The following UNC5D variants were observed in gnomAD, a reference collection of about 807,000 sequenced individuals.
UNC5D encodes netrin receptor UNC5D.
In UNC5D, 39 loss-of-function variants were observed where a neutral mutation model predicts 105.4. That is an observed-to-expected ratio of 0.37 (90% CI 0.29 to 0.48). The LOEUF (loss-of-function observed/expected upper bound fraction) is 0.48. Ranked by LOEUF, UNC5D falls within the 20% of genes least tolerant of loss-of-function variation. The probability of loss-of-function intolerance (pLI) is 0.98; values close to 1 mark genes in which losing one functional copy is unlikely to be tolerated. For missense variants in UNC5D, 991 were observed against 1,202.4 expected (o/e 0.82, Z 2.60); for synonymous variants, 452 against 450.4 (o/e 1.00, Z -0.04).
At chr8:35,239,254 G>C (rs1802658015) in intron 1 of UNC5D, among the ~76,000 whole-genome samples, 1 of 152,160 alleles carries the variant, frequency 6.6e-6, no homozygotes, top group Non-Finnish European at 1.5e-5. Flanking sequence ...GGAAACATTT[G>C]GAGCTGTGGA....
chr8:35,540,251 T>G (rs565842264), intron 1 of UNC5D, among the ~76,000 whole-genome samples: 6 of 152,330 alleles, frequency 3.9e-5, no homozygotes, highest in African/African-American at 1.4e-4. Context: ...CAAGATATTC[T>G]TTTTTACATC....
At position 35,260,318 on chromosome 8, in the gene UNC5D, G is replaced by A. The variant is rs571847102; in HGVS notation, c.103+24431G>A. Among the ~76,000 whole-genome samples, 6 of 152,216 alleles carry A rather than the reference G, an allele frequency of 3.9e-5. No homozygotes were observed. The South Asian group carries it at 1.2e-3, about 32-fold the overall frequency. On this transcript the variant is annotated intron_variant, in intron 1 of 16. Coordinates refer to ENST00000404895, the MANE Select transcript of UNC5D (RefSeq NM_080872.4). ...TCCAAAGCACCATATTTTACCTAGTGAGGTGCTTACTACAAGCAGCTATAG... is the reference window on the plus strand; with the variant it reads ...TCCAAAGCACCATATTTTACCTAGTAAGGTGCTTACTACAAGCAGCTATAG...
intron 1 of UNC5D, among the ~76,000 whole-genome samples, chr8:35,301,715 A>G (rs1357280043): frequency 6.6e-6 from 1 of 152,308 alleles, no homozygotes; most frequent in East Asian, 1.9e-4. Context: ...TTTGTTACAT[A>G]GGAACGTTAA....
At chr8:35,627,831 G>A (rs1821783297) in intron 4 of UNC5D, among the ~76,000 whole-genome samples, 1 of 152,144 alleles carries the variant, frequency 6.6e-6, no homozygotes, top group Admixed American at 6.5e-5. Context: ...GAAGGCTGAG[G>A]CAGGAGGCTC....
At chr8:35,521,535 T>C (rs1338601103) in intron 1 of UNC5D, among the ~76,000 whole-genome samples, 1 of 152,194 alleles carries the variant, frequency 6.6e-6, no homozygotes, top group Non-Finnish European at 1.5e-5. Context: ...TTAACTAATG[T>C]AGAAGTGCAT....
At chr8:35,565,331 A>G (rs1817263804) in intron 2 of UNC5D, among the ~76,000 whole-genome samples, 1 of 152,108 alleles carries the variant, frequency 6.6e-6, no homozygotes, top group Non-Finnish European at 1.5e-5. Context: ...GCATTTCCTT[A>G]TAATTAGTAA....
At chr8:35,385,303 C>T (rs1447723150) in intron 1 of UNC5D, among the ~76,000 whole-genome samples, 1 of 152,058 alleles carries the variant, frequency 6.6e-6, no homozygotes, top group African/African-American at 2.4e-5. Context: ...TTTCTTTGGA[C>T]CTGTTAAAGC....
At chr8:35,599,113 A>T (rs904567906) in intron 4 of UNC5D, among the ~76,000 whole-genome samples, 1 of 136,284 alleles carries the variant, frequency 7.3e-6, no homozygotes, top group East Asian at 2.3e-4. Flanking sequence ...ACTGCACTCC[A>T]GCCTAGGTGA....
chr8:35,757,886 C>G (rs1054779522), intron 13 of UNC5D, among the ~76,000 whole-genome samples: 19 of 152,144 alleles, frequency 1.2e-4, no homozygotes, highest in African/African-American at 4.6e-4. Context: ...TATGAATTAC[C>G]TAGCACTGTA....
At chr8:35,512,663 C>A (rs1812837035) in intron 1 of UNC5D, among the ~76,000 whole-genome samples, 1 of 147,612 alleles carries the variant, frequency 6.8e-6, no homozygotes, top group African/African-American at 2.5e-5. Flanking sequence ...CTAGCTTCAA[C>A]AGTCTGCTCC....
chr8:35,638,381 G>T (rs959164186), intron 4 of UNC5D, among the ~76,000 whole-genome samples: 63 of 152,124 alleles, frequency 4.1e-4, no homozygotes, highest in African/African-American at 1.4e-3. Context: ...AAATTAATAT[G>T]CACTTTTCCT....
chr8:35,654,044 G>A (rs900691636), intron 4 of UNC5D, among the ~76,000 whole-genome samples: 2 of 152,086 alleles, frequency 1.3e-5, no homozygotes. Context: ...GAGAGAATTT[G>A]TAAATTGTTT....
rs1166789209 is a variant in UNC5D at position 35,344,308 on chromosome 8, G to A, written c.103+108421G>A. Among the ~76,000 whole-genome samples, 11 of 152,130 alleles carry A rather than the reference G, an allele frequency of 7.2e-5. No individual in the cohort carries two copies. The East Asian group carries it at 1.9e-3, about 27-fold the overall frequency. ...CTTTCCACACACAAAGGAATATAAT[G>A]TCCTTAGTCCTGGATCAAATTTGGC... On this transcript the variant is annotated intron_variant, in intron 1 of 16. Transcript: ENST00000404895.
chr8:35,768,030 A>G (rs1009733902), intron 15 of UNC5D, among the ~76,000 whole-genome samples: 3 of 150,134 alleles, frequency 2.0e-5, no homozygotes, highest in Non-Finnish European at 4.4e-5. Flanking sequence ...GCATTTATTA[A>G]TATATAAATA....
intron 1 of UNC5D, among the ~76,000 whole-genome samples, chr8:35,410,334 T>C (rs1217629299): frequency 6.6e-6 from 1 of 152,040 alleles, no homozygotes; most frequent in African/African-American, 2.4e-5. Context: ...CAAGTCTCTA[T>C]GGGATTTGCC....
intron 1 of UNC5D, among the ~76,000 whole-genome samples, chr8:35,327,354 G>C (rs773429365): frequency 2.6e-5 from 4 of 152,168 alleles, no homozygotes; most frequent in Non-Finnish European, 5.9e-5. Flanking sequence ...CTGCATGCCT[G>C]CTTCCCACAT....
At chr8:35,623,571 C>T (rs1410264977) in intron 4 of UNC5D, among the ~76,000 whole-genome samples, 2 of 152,078 alleles carry the variant, frequency 1.3e-5, no homozygotes, top group Non-Finnish European at 2.9e-5. Context: ...GCGAGTGGCT[C>T]CCAGATTTCT....
At chr8:35,321,871 C>T (rs528161425) in intron 1 of UNC5D, among the ~76,000 whole-genome samples, 1 of 152,274 alleles carries the variant, frequency 6.6e-6, no homozygotes, top group African/African-American at 2.4e-5. Context: ...TCACCTTCCC[C>T]TATGCTAATT....
At chr8:35,455,468 G>A (rs564231223) in intron 1 of UNC5D, among the ~76,000 whole-genome samples, 7 of 151,764 alleles carry the variant, frequency 4.6e-5, no homozygotes, top group Admixed American at 6.6e-5. Context: ...TAGTAGAGAC[G>A]GGGTTTTGCC....
Sources: gnomAD v4.1 joint callset for allele counts (sites outside exome capture counted in the v4.1 genomes callset) on GRCh38, gnomAD v4.1.1 for gene constraint, MANE v1.5 for transcripts, NCBI Gene and HGNC (gene_info 2026-07-23, HGNC 2026-07-21) for gene names.